PTPRD: variants seen among roughly 807,000 people sequenced by gnomAD.
The protein encoded by PTPRD is protein tyrosine phosphatase receptor type D.
In PTPRD, 34 loss-of-function variants were observed where a neutral mutation model predicts 214.5. The observed-to-expected ratio is 0.16, with a 90% CI of 0.12 to 0.21. The LOEUF is 0.21. Ranked by LOEUF, PTPRD falls within the 10% of genes least tolerant of loss-of-function variation. The pLI is 1.00. For synonymous variants in PTPRD, 1,128 were observed against 845.7 expected (o/e 1.33, Z -5.79); for missense variants, 2,545 against 2,398.7 (o/e 1.06, Z -1.27).
chr9:10,575,649 T>C (rs2069026751), intron 2 of PTPRD, among the ~76,000 whole-genome samples: 1 of 152,116 alleles, frequency 6.6e-6, no homozygotes, highest in Non-Finnish European at 1.5e-5. Context: ...GAAAAGAAAG[T>C]GGTCATTTAT....
At chr9:8,425,923 A>G (rs895694223) in intron 35 of PTPRD, among the ~76,000 whole-genome samples, 2 of 152,174 alleles carry the variant, frequency 1.3e-5, no homozygotes, top group Non-Finnish European at 2.9e-5. Flanking sequence ...AATTTCCAGA[A>G]ATGATATTAT....
At chr9:9,459,854 C>T (rs539798383) in intron 8 of PTPRD, among the ~76,000 whole-genome samples, 48 of 152,112 alleles carry the variant, frequency 3.2e-4, no homozygotes, top group Admixed American at 5.2e-4. Context: ...TTCAAAAATT[C>T]ATATGGAACC....
intron 5 of PTPRD, among the ~76,000 whole-genome samples, chr9:9,933,762 C>T (rs1036032149): frequency 6.7e-6 from 1 of 148,992 alleles, no homozygotes; most frequent in Non-Finnish European, 1.5e-5. Context: ...CACCCCAAAT[C>T]AACAGAATAT....
chr9:10,230,102 A>G (rs558562966), intron 3 of PTPRD, among the ~76,000 whole-genome samples: 5 of 152,112 alleles, frequency 3.3e-5, no homozygotes, highest in African/African-American at 7.2e-5. Flanking sequence ...AATACTTTTA[A>G]GGTGAGGATA....
At chr9:9,545,414 C>A (rs967580717) in intron 8 of PTPRD, among the ~76,000 whole-genome samples, 2 of 151,826 alleles carry the variant, frequency 1.3e-5, no homozygotes, top group Non-Finnish European at 2.9e-5. Flanking sequence ...GTAGCCTTTT[C>A]AGATTGGCTC....
At chr9:8,466,703 T>A (rs188247985) in intron 31 of PTPRD, among the ~76,000 whole-genome samples, 8 of 152,022 alleles carry the variant, frequency 5.3e-5, no homozygotes, top group Admixed American at 4.6e-4. Context: ...TATTTTAATA[T>A]CTATGTATTA....
intron 8 of PTPRD, among the ~76,000 whole-genome samples, chr9:9,489,194 GA>G (rs2095795693): frequency 6.6e-6 from 1 of 152,120 alleles, no homozygotes; most frequent in Admixed American, 6.6e-5. Context: ...AAAAAATCTG[GA>G]AAACTTTAAG....
chr9:8,584,359 T>C (rs968461664), intron 14 of PTPRD, among the ~76,000 whole-genome samples: 2 of 151,972 alleles, frequency 1.3e-5, no homozygotes, highest in Non-Finnish European at 2.9e-5. Flanking sequence ...GACCATTAGG[T>C]TGGGTAGAAA....
chr9:8,658,458 A>C (rs1020829057), intron 12 of PTPRD, among the ~76,000 whole-genome samples: 1 of 152,156 alleles, frequency 6.6e-6, no homozygotes, highest in Non-Finnish European at 1.5e-5. Context: ...TGAGAGCTTC[A>C]ATGAGCAGTT....
intron 5 of PTPRD, among the ~76,000 whole-genome samples, chr9:9,779,078 CAAAAAAAAAAAAAAAA>C (rs869120926): frequency 2.2e-5 from 1 of 45,456 alleles, no homozygotes; most frequent in Admixed American, 3.1e-4. Context: ...ATAAGACTGA[CAAAAAAAAAAAAAAAA>C]AAAAAAAAAA....
At chr9:10,383,869 C>T (rs1300548479) in intron 2 of PTPRD, among the ~76,000 whole-genome samples, 12 of 151,730 alleles carry the variant, frequency 7.9e-5, no homozygotes, top group African/African-American at 2.7e-4. Context: ...AACATGAGCA[C>T]GTGATTACAG....
At chr9:10,244,348 C>A (rs1264115072) in intron 3 of PTPRD, among the ~76,000 whole-genome samples, 1 of 152,074 alleles carries the variant, frequency 6.6e-6, no homozygotes, top group Non-Finnish European at 1.5e-5. Context: ...CTCTCTTGTG[C>A]CCACCACAAT....
At chr9:10,512,516 G>A (rs1338930160) in intron 2 of PTPRD, among the ~76,000 whole-genome samples, 1 of 152,084 alleles carries the variant, frequency 6.6e-6, no homozygotes, top group Non-Finnish European at 1.5e-5. Context: ...GGGTTGGGGG[G>A]AATGGAGCTT....
At chr9:9,605,131 C>T (rs771338470) in intron 7 of PTPRD, among the ~76,000 whole-genome samples, 10 of 152,000 alleles carry the variant, frequency 6.6e-5, no homozygotes, top group Admixed American at 6.6e-4. Flanking sequence ...ATTCACATAA[C>T]GTATACACTG....
intron 43 of PTPRD, among the ~76,000 whole-genome samples, chr9:8,337,030 G>A (rs558309554): frequency 7.2e-5 from 11 of 152,154 alleles, no homozygotes; most frequent in Non-Finnish European, 1.5e-4. Context: ...CACTGTGGAA[G>A]ACAGTTTGGT....
At chr9:8,500,076 A>T (rs1442903390) in intron 24 of PTPRD, among the ~76,000 whole-genome samples, 1 of 151,818 alleles carries the variant, frequency 6.6e-6, no homozygotes, top group Non-Finnish European at 1.5e-5. Context: ...AAATGGAAGA[A>T]AAAAAGAGTA....
chr9:10,510,508 T>C (rs755668147), intron 2 of PTPRD, among the ~76,000 whole-genome samples: 4 of 152,202 alleles, frequency 2.6e-5, no homozygotes, highest in Non-Finnish European at 5.9e-5. Context: ...ATAGGGATTA[T>C]GCAAAATGTT....
At chr9:9,159,581 T>C (rs1433399091) in intron 10 of PTPRD, among the ~76,000 whole-genome samples, 2 of 152,076 alleles carry the variant, frequency 1.3e-5, no homozygotes, top group Non-Finnish European at 2.9e-5. Flanking sequence ...TAGAATAATA[T>C]CCTGTGTTCA....
chr9:8,461,873 C>T (rs1047234380), intron 32 of PTPRD, among the ~76,000 whole-genome samples: 2 of 151,908 alleles, frequency 1.3e-5, no homozygotes, highest in East Asian at 1.9e-4. Context: ...TGGTCTCGAA[C>T]TCCTGGTCTC....
Sources: allele counts gnomAD v4.1 joint callset (sites outside exome capture counted in the v4.1 genomes callset), GRCh38; gene constraint gnomAD v4.1.1; transcripts MANE v1.5; gene names NCBI Gene and HGNC (gene_info 2026-07-23, HGNC 2026-07-21).